Variants in MARCHF1 observed in about 807,000 individuals in gnomAD.
MARCHF1 encodes the protein E3 ubiquitin-protein ligase MARCHF1.
Under a neutral mutation model 54.2 loss-of-function variants are expected in MARCHF1, and 40 were observed. The ratio of observed to expected loss-of-function variants is 0.74; its 90% CI spans 0.57 to 0.96. The LOEUF (loss-of-function observed/expected upper bound fraction) is 0.96, where lower values mean the gene tolerates loss of function less well. Among genes scored for constraint, MARCHF1 ranks in the 40% least tolerant of loss-of-function variants. MARCHF1 has a pLI of 0.00. For missense variants in MARCHF1, 586 were observed against 656.5 expected (o/e 0.89, Z 1.17); for synonymous variants, 236 against 236.3 (o/e 1.00, Z 0.01).
chr4:164,021,743 G>C (rs1378432200), intron 2 of MARCHF1, among the ~76,000 whole-genome samples: 1 of 151,896 alleles, frequency 6.6e-6, no homozygotes, highest in African/African-American at 2.4e-5. Flanking sequence ...TGCAATCCCA[G>C]CTAGTCAGGA....
At chr4:164,304,016 C>G (rs1029796984) in intron 1 of MARCHF1, among the ~76,000 whole-genome samples, 1 of 152,192 alleles carries the variant, frequency 6.6e-6, no homozygotes, top group African/African-American at 2.4e-5. Flanking sequence ...ACCTTCCAAA[C>G]AGACTACTGC....
intron 8 of MARCHF1, among the ~76,000 whole-genome samples, chr4:163,562,527 C>T (rs900146074): frequency 8.5e-5 from 13 of 152,100 alleles, no homozygotes; most frequent in African/African-American, 3.1e-4. Context: ...TTTTGCTCCT[C>T]TTCTCTACTT....
chr4:163,666,624 T>C (rs1176610606), intron 5 of MARCHF1, among the ~76,000 whole-genome samples: 1 of 152,122 alleles, frequency 6.6e-6, no homozygotes, highest in Admixed American at 6.5e-5. Context: ...GGATAGAACA[T>C]TTATCATGGT....
In MARCHF1 at chr4:163,748,296, C is replaced by T. The variant is rs571379136; in HGVS notation, c.112-47433G>A. 1.2e-3 allele frequency among the ~76,000 whole-genome samples: 181 copies of T among 151,678 alleles called. 1 individual carries two copies. Among genetic ancestry groups the T allele is most frequent in the African/African-American group, 4.3e-3 (177 of 41,344 alleles). ...TCCCCCACAGATGACTGAGTGAGAA[C>T]ATCTAACAAATATCTGACTAGACAA... On this transcript the variant is annotated intron_variant, in intron 4 of 9. Coordinates refer to ENST00000514618, the MANE Select transcript of MARCHF1 (RefSeq NM_001394959.1).
intron 7 of MARCHF1, 72 bp from the exon 8 acceptor site, chr4:163,586,001 G>C: frequency 7.4e-7 from 1 of 1,360,524 alleles, no homozygotes; most frequent in Non-Finnish European, 9.9e-7. Flanking sequence ...TTCTGCCCTT[G>C]CTTATACTAG....
chr4:164,381,135 G>T (rs1259184731), intron 1 of MARCHF1, among the ~76,000 whole-genome samples: 1 of 152,098 alleles, frequency 6.6e-6, no homozygotes, highest in African/African-American at 2.4e-5. Flanking sequence ...CATCACTATT[G>T]CCTGCCCTGG....
intron 2 of MARCHF1, among the ~76,000 whole-genome samples, chr4:164,001,795 A>G (rs1753191100): frequency 6.6e-6 from 1 of 151,860 alleles, no homozygotes; most frequent in East Asian, 1.9e-4. Context: ...ATAAAGAGAA[A>G]GCTCCTAAAA....
At chr4:163,904,367 G>T (rs1392987281) in intron 3 of MARCHF1, among the ~76,000 whole-genome samples, 1 of 152,174 alleles carries the variant, frequency 6.6e-6, no homozygotes, top group African/African-American at 2.4e-5. Context: ...CTGTTATACT[G>T]GGTTATATTA....
intron 8 of MARCHF1, among the ~76,000 whole-genome samples, chr4:163,574,268 T>C (rs1368890614): frequency 1.3e-5 from 2 of 152,202 alleles, no homozygotes; most frequent in African/African-American, 2.4e-5. Flanking sequence ...GTGGGTTGCC[T>C]GTTCACTCTG....
intron 4 of MARCHF1, among the ~76,000 whole-genome samples, chr4:163,802,697 C>A (rs866542179): frequency 9.2e-5 from 14 of 152,140 alleles, no homozygotes; most frequent in Non-Finnish European, 2.9e-5. Context: ...ACTTGACTGG[C>A]CCAGGGCTTA....
chr4:163,706,827 G>GA lies in MARCHF1; in HGVS notation c.112-5965dup, dbSNP rs148134708. 5.5e-3 allele frequency among the ~76,000 whole-genome samples: 836 copies of GA among 151,692 alleles called. 5 individuals carry two copies. Among genetic ancestry groups the GA allele is most frequent in the African/African-American group, 0.019 (793 of 41,460 alleles). On this transcript the variant is annotated intron_variant, in intron 4 of 9. Coordinates refer to ENST00000514618, the MANE Select transcript of MARCHF1 (RefSeq NM_001394959.1). Reference sequence around the variant, plus strand: ...ACCTGAGAATAACCAAGAAAATAATGAAAAAAAGGAGAGCTTTTTATGCTA... The same window carrying GA: ...ACCTGAGAATAACCAAGAAAATAATGAAAAAAAAGGAGAGCTTTTTATGCTA...
chr4:164,356,020 C>T (rs1730517772), intron 1 of MARCHF1, among the ~76,000 whole-genome samples: 1 of 129,898 alleles, frequency 7.7e-6, no homozygotes, highest in Non-Finnish European at 1.7e-5. Flanking sequence ...AAAAAATGCT[C>T]ACCATCACTG....
chr4:163,738,308 T>A (rs914222311), intron 4 of MARCHF1, among the ~76,000 whole-genome samples: 2 of 152,220 alleles, frequency 1.3e-5, no homozygotes, highest in African/African-American at 2.4e-5. Context: ...AAAACCTTCT[T>A]TGGGGCCATT....
chr4:164,132,094 G>A (rs1756312364), intron 1 of MARCHF1, among the ~76,000 whole-genome samples: 1 of 152,114 alleles, frequency 6.6e-6, no homozygotes, highest in Non-Finnish European at 1.5e-5. Context: ...CTGCCTGTTA[G>A]CTAGTAATAA....
At chr4:164,304,288 C>A (rs181361348) in intron 1 of MARCHF1, among the ~76,000 whole-genome samples, 1 of 152,146 alleles carries the variant, frequency 6.6e-6, no homozygotes, top group Admixed American at 6.5e-5. Context: ...AGGCCTCTAG[C>A]AACAGTCTAT....
intron 1 of MARCHF1, among the ~76,000 whole-genome samples, chr4:164,213,326 C>T (rs1731834501): frequency 6.6e-6 from 1 of 151,636 alleles, no homozygotes; most frequent in African/African-American, 2.4e-5. Flanking sequence ...CTCCGCCTCC[C>T]AGGTTCACGT....
chr4:164,086,878 ATAT>A (rs1205727221), intron 2 of MARCHF1, among the ~76,000 whole-genome samples: 1 of 152,116 alleles, frequency 6.6e-6, no homozygotes, highest in African/African-American at 2.4e-5. Context: ...ATGACAGGAA[ATAT>A]TATAACAATA....
chr4:163,681,679 T>G (rs978213542), intron 5 of MARCHF1, among the ~76,000 whole-genome samples: 6 of 152,214 alleles, frequency 3.9e-5, no homozygotes, highest in Admixed American at 3.3e-4. Context: ...GTTTGCTGCT[T>G]CTTCCACCAT....
chr4:163,911,475 A>G (rs2111335366), intron 3 of MARCHF1, among the ~76,000 whole-genome samples: 1 of 152,288 alleles, frequency 6.6e-6, no homozygotes, highest in Non-Finnish European at 1.5e-5. Flanking sequence ...GTGTCCACAT[A>G]TCTAAGCCAG....
Sources: gnomAD v4.1 joint callset for allele counts (sites outside exome capture counted in the v4.1 genomes callset) on GRCh38, gnomAD v4.1.1 for gene constraint, MANE v1.5 for transcripts, NCBI Gene and HGNC (gene_info 2026-07-23, HGNC 2026-07-21) for gene names.